The following PRKAR1B variants were observed in gnomAD, a reference collection of about 807,000 sequenced individuals.
PRKAR1B encodes the protein protein kinase cAMP-dependent type I regulatory subunit beta, also known as cAMP-dependent protein kinase type I-beta regulatory subunit.
In PRKAR1B, 22 loss-of-function variants were observed where a neutral mutation model predicts 46.5. The ratio of observed to expected loss-of-function variants is 0.47; its 90% CI spans 0.34 to 0.68. PRKAR1B has a LOEUF of 0.68. Ranked by LOEUF, PRKAR1B falls within the 30% of genes least tolerant of loss-of-function variation. PRKAR1B has a pLI of 0.01. For synonymous variants in PRKAR1B, 259 were observed against 217.7 expected (o/e 1.19, Z -1.67); for missense variants, 445 against 535.6 (o/e 0.83, Z 1.67).
intron 1 of PRKAR1B, among the ~76,000 whole-genome samples, chr7:722,354 G>A (rs566424669): frequency 4.1e-4 from 62 of 151,410 alleles, no homozygotes; most frequent in African/African-American, 1.1e-3. Flanking sequence ...TGCCCGCCTC[G>A]GCCTCACAAA....
At chr7:652,450 C>T (rs903558412) in intron 4 of PRKAR1B, among the ~76,000 whole-genome samples, 5 of 150,810 alleles carry the variant, frequency 3.3e-5, no homozygotes, top group African/African-American at 7.3e-5. Context: ...TTCACACCCA[C>T]GCAGCGCTAG....
chr7:686,130 C>T (rs1779083194), intron 2 of PRKAR1B, among the ~76,000 whole-genome samples: 1 of 151,986 alleles, frequency 6.6e-6, no homozygotes, highest in African/African-American at 2.4e-5. Context: ...GAAACCCCGT[C>T]TCTACTAAAA....
At chr7:684,460 G>T (rs1003582248) in intron 2 of PRKAR1B, among the ~76,000 whole-genome samples, 2 of 152,168 alleles carry the variant, frequency 1.3e-5, no homozygotes, top group Non-Finnish European at 2.9e-5. Flanking sequence ...GACCAGAATG[G>T]CAGGAACGCT....
chr7:583,106 G>A (rs919670218), intron 8 of PRKAR1B, among the ~76,000 whole-genome samples: 2 of 152,034 alleles, frequency 1.3e-5, no homozygotes, highest in African/African-American at 4.8e-5. Flanking sequence ...CTCTGTCTCG[G>A]GTGAGGACGG....
chr7:707,913 A>C (rs1780416789), intron 2 of PRKAR1B, among the ~76,000 whole-genome samples: 1 of 150,816 alleles, frequency 6.6e-6, no homozygotes, highest in African/African-American at 2.4e-5. Flanking sequence ...CACCACCTGG[A>C]GCCGGGGGAG....
At chr7:721,850 C>T (rs977071177) in intron 1 of PRKAR1B, among the ~76,000 whole-genome samples, 4 of 145,204 alleles carry the variant, frequency 2.8e-5, no homozygotes, top group Non-Finnish European at 6.1e-5. Flanking sequence ...TGGCAGGTCA[C>T]TTCTTTCTGG....
At chr7:726,695 C>G in intron 1 of PRKAR1B, 3 of 1,233,252 alleles carry the variant, frequency 2.4e-6, no homozygotes, top group Non-Finnish European at 3.0e-6. Flanking sequence ...GCGCTGTTCC[C>G]CTTAGTGACC....
chr7:560,693 C>T lies in PRKAR1B; in HGVS notation c.892-9223G>A, dbSNP rs911032205. Among the ~76,000 whole-genome samples, 1 of 152,240 alleles carries T rather than the reference C, an allele frequency of 6.6e-6. No individual in the cohort carries two copies. The highest frequency in any genetic ancestry group is 2.4e-5 in the African/African-American group (1 of 41,464). On this transcript the variant is annotated intron_variant, in intron 9 of 10. Transcript: ENST00000537384. This position sits in a 1 kb window ranked among gnomAD's most constrained non-coding sequence, Gnocchi z 4.2. ...AGGCAAGGCCCATAGCTGCTCCAGC[C>T]TCAGCTGCCTCATCTGTTATATGGG...
At chr7:601,316 T>G (rs1214468793) in intron 6 of PRKAR1B, among the ~76,000 whole-genome samples, 1 of 152,222 alleles carries the variant, frequency 6.6e-6, no homozygotes, top group Admixed American at 6.5e-5. Flanking sequence ...GGAGGCGATT[T>G]ACAGAAACCA....
At chr7:726,974 T>A in intron 1 of PRKAR1B, 1 of 1,303,576 alleles carries the variant, frequency 7.7e-7, no homozygotes, top group Non-Finnish European at 9.8e-7. Context: ...CTGCGCTGCC[T>A]GAGCGACCCC....
intron 4 of PRKAR1B, among the ~76,000 whole-genome samples, chr7:663,857 C>T (rs566972022): frequency 5.4e-4 from 82 of 152,256 alleles, no homozygotes; most frequent in East Asian, 1.7e-3. Flanking sequence ...AACTGCCTCC[C>T]GAATCGGAGT....
chr7:553,220 A>G (rs1784360387), intron 9 of PRKAR1B, among the ~76,000 whole-genome samples: 1 of 152,234 alleles, frequency 6.6e-6, no homozygotes, highest in Admixed American at 6.5e-5. Context: ...AAGACACACT[A>G]GAGAAGCTTC....
intron 1 of PRKAR1B, among the ~76,000 whole-genome samples, chr7:720,344 C>T (rs1781031187): frequency 1.3e-5 from 2 of 152,150 alleles, no homozygotes; most frequent in Admixed American, 1.3e-4. Context: ...AGGTGTGAGC[C>T]ACCGCGCCCA....
At chr7:579,729 A>G (rs1177282988) in intron 8 of PRKAR1B, among the ~76,000 whole-genome samples, 2 of 152,254 alleles carry the variant, frequency 1.3e-5, no homozygotes, top group Non-Finnish European at 2.9e-5. Flanking sequence ...TGTTACTTCA[A>G]AAGAATAGAG....
chr7:585,225 G>A (rs1780528543), intron 7 of PRKAR1B, among the ~76,000 whole-genome samples: 1 of 152,114 alleles, frequency 6.6e-6, no homozygotes, highest in Non-Finnish European at 1.5e-5. Context: ...ATCCCATCAA[G>A]CTGATGGGCC....
At chr7:552,891 C>G (rs573885956) in intron 9 of PRKAR1B, among the ~76,000 whole-genome samples, 1 of 152,382 alleles carries the variant, frequency 6.6e-6, no homozygotes, top group Admixed American at 6.5e-5. Context: ...TAAGCTCCCT[C>G]CTGACCCCCG....
At chr7:702,986 T>C (rs1263325623) in intron 2 of PRKAR1B, among the ~76,000 whole-genome samples, 1 of 151,888 alleles carries the variant, frequency 6.6e-6, no homozygotes, top group Non-Finnish European at 1.5e-5. Context: ...ACAGAAACTG[T>C]CAAATCATAT....
In PRKAR1B at chr7:711,317, G is replaced by A. The variant is rs753079328; in HGVS notation, c.177+12C>T. The A allele has an allele frequency of 3.7e-6, 6 of 1,613,744 alleles. No individual in the cohort carries two copies. In the African/African-American group the frequency reaches 6.7e-5, roughly 18 times the overall value. ...GTGCGAAGGGAAGCAGCGGGCGGCG[G>A]GGGCCACTCACCTTCTCCAGCTTCT... On this transcript the variant is annotated intron_variant, in intron 2 of 10. Coordinates refer to ENST00000537384, the MANE Select transcript of PRKAR1B (RefSeq NM_001164760.2).
At chr7:631,081 A>C (rs1293796546) in intron 4 of PRKAR1B, among the ~76,000 whole-genome samples, 2 of 151,848 alleles carry the variant, frequency 1.3e-5, no homozygotes, top group Non-Finnish European at 2.9e-5. Flanking sequence ...CCTCCCGAGT[A>C]ACTGGGATTA....
Sources: allele counts gnomAD v4.1 joint callset (sites outside exome capture counted in the v4.1 genomes callset), GRCh38; gene constraint gnomAD v4.1.1; non-coding constraint Gnocchi (gnomAD v3.1); transcripts MANE v1.5; gene names NCBI Gene and HGNC (gene_info 2026-07-23, HGNC 2026-07-21).